CAMTA1: variants seen among roughly 807,000 people sequenced by gnomAD.
The protein encoded by CAMTA1 is calmodulin-binding transcription activator 1.
CAMTA1 carries 27 observed loss-of-function variants against 170.9 expected under a neutral mutation model. The ratio of observed to expected loss-of-function variants is 0.16; its 90% confidence interval spans 0.12 to 0.22. The LOEUF (loss-of-function observed/expected upper bound fraction) is 0.22. CAMTA1 is among the 10% of genes least tolerant of loss of function. The probability of loss-of-function intolerance (pLI) is 1.00; values close to 1 mark genes in which losing one functional copy is unlikely to be tolerated. For synonymous variants in CAMTA1, 833 were observed against 891.5 expected (o/e 0.93, Z 1.17); for missense variants, 1,619 against 2,217.2 (o/e 0.73, Z 5.42).
chr1:7,445,647 G>C (rs1442095260), intron 5 of CAMTA1, among the ~76,000 whole-genome samples: 1 of 152,182 alleles, frequency 6.6e-6, no homozygotes, highest in African/African-American at 2.4e-5. Flanking sequence ...AGAGAAGAGG[G>C]GACACAGGAC....
chr1:7,191,697 G>A (rs1463746885), intron 4 of CAMTA1, among the ~76,000 whole-genome samples: 10 of 152,346 alleles, frequency 6.6e-5, no homozygotes, highest in African/African-American at 1.4e-4. Context: ...GCTGCAAGGC[G>A]TGAGGGATGA....
At chr1:6,980,531 G>A (rs1346445601) in intron 3 of CAMTA1, among the ~76,000 whole-genome samples, 2 of 152,132 alleles carry the variant, frequency 1.3e-5, no homozygotes, top group Non-Finnish European at 2.9e-5. Context: ...ACAGTGATTT[G>A]GTTTGTCTGT....
At chr1:7,543,829 G>A (rs992289383) in intron 6 of CAMTA1, among the ~76,000 whole-genome samples, 13 of 109,150 alleles carry the variant, frequency 1.2e-4, no homozygotes, top group East Asian at 5.1e-4. Flanking sequence ...TGCTGGCAGC[G>A]AGCAGAACTT....
In CAMTA1 at chr1:7,595,329, G is replaced by A. The variant is rs570893092; in HGVS notation, c.511-45071G>A. Among the ~76,000 whole-genome samples, 14 of 152,338 alleles carry A rather than the reference G, an allele frequency of 9.2e-5. 1 individual carries two copies. The South Asian group carries it at 2.5e-3, about 27-fold the overall frequency. Reference sequence around the variant, plus strand: ...TCATCGTATTTTTGGCAGCTGCAGAGACTCCGAGGCAAGGCAGAGAGCCCT... The same window carrying A: ...TCATCGTATTTTTGGCAGCTGCAGAAACTCCGAGGCAAGGCAGAGAGCCCT... On this transcript the variant is annotated intron_variant, in intron 6 of 22. Coordinates refer to ENST00000303635, the MANE Select transcript of CAMTA1 (RefSeq NM_015215.4).
chr1:7,604,869 C>T (rs1263014747), intron 6 of CAMTA1, among the ~76,000 whole-genome samples: 3 of 152,088 alleles, frequency 2.0e-5, no homozygotes, highest in Admixed American at 6.5e-5. Flanking sequence ...GTGTGGATGT[C>T]GTTTCTGTTT....
At chr1:7,718,118 C>T (rs938586892) in intron 11 of CAMTA1, among the ~76,000 whole-genome samples, 4 of 151,834 alleles carry the variant, frequency 2.6e-5, no homozygotes, top group Non-Finnish European at 4.4e-5. Flanking sequence ...TTTTTGTAGT[C>T]CCGGTGGCTA....
rs1700254850 is a variant in CAMTA1 at position 7,014,480 on chromosome 1, A to G, written c.235-76824A>G. The stretch of plus-strand genomic sequence containing the variant: ...TGAACTCCTTTTTGCTCCCTGCCCC[A>G]GCCTGCCCCATTAGACAGGGCATGG... On this transcript the variant is annotated intron_variant, in intron 3 of 22. Coordinates refer to ENST00000303635, the MANE Select transcript of CAMTA1 (RefSeq NM_015215.4). This position sits in a 1 kb window ranked among gnomAD's most constrained non-coding sequence, Gnocchi z 4.2. Among the ~76,000 whole-genome samples the G allele has an allele frequency of 6.6e-6, 1 of 152,166 alleles. No individual in the cohort carries two copies. The highest frequency in any genetic ancestry group is 1.5e-5 in the Non-Finnish European group (1 of 68,032).
At chr1:6,838,924 G>A (rs985945529) in intron 3 of CAMTA1, among the ~76,000 whole-genome samples, 15 of 152,098 alleles carry the variant, frequency 9.9e-5, no homozygotes, top group African/African-American at 2.4e-4. Context: ...GCCTGGCAAC[G>A]TTTTTTATTT....
chr1:7,072,981 A>G (rs1214615472), intron 3 of CAMTA1, among the ~76,000 whole-genome samples: 4 of 152,192 alleles, frequency 2.6e-5, no homozygotes, highest in Non-Finnish European at 4.4e-5. Context: ...CCCCCTGACT[A>G]GTGTGAAGAA....
At chr1:6,976,443 A>C (rs1457152252) in intron 3 of CAMTA1, among the ~76,000 whole-genome samples, 4 of 152,216 alleles carry the variant, frequency 2.6e-5, no homozygotes, top group African/African-American at 9.6e-5. Context: ...GTTGGCAGGC[A>C]CAGAGTTCAG....
chr1:7,655,627 C>T (rs1312298440), intron 7 of CAMTA1, among the ~76,000 whole-genome samples: 3 of 85,060 alleles, frequency 3.5e-5, no homozygotes, highest in African/African-American at 1.4e-4. Flanking sequence ...CACACCTATA[C>T]ACACACCTAT....
At position 7,133,648 on chromosome 1, in the gene CAMTA1, C is replaced by A. The variant is rs145936968; in HGVS notation, c.302+42277C>A. 2.3e-3 allele frequency among the ~76,000 whole-genome samples: 350 copies of A among 152,182 alleles called. 6 individuals carry two copies. The highest frequency in any genetic ancestry group is 5.0e-3 in the East Asian group (26 of 5,174). On this transcript the variant is annotated intron_variant, in intron 4 of 22. Transcript: ENST00000303635. ...GTAAGGTGGGAAGGTAAATCCAATC[C>A]TTGTCCTCCCATCATAGGTAGCAGC...
At chr1:7,340,925 T>C (rs1222858174) in intron 5 of CAMTA1, among the ~76,000 whole-genome samples, 2 of 152,028 alleles carry the variant, frequency 1.3e-5, no homozygotes, top group African/African-American at 4.8e-5. Context: ...ACCAAAGGAG[T>C]GAACGCCATG....
chr1:7,110,276 T>C (rs1174221678), intron 4 of CAMTA1, among the ~76,000 whole-genome samples: 1 of 151,398 alleles, frequency 6.6e-6, no homozygotes, highest in Admixed American at 6.6e-5. Context: ...GCACCCCCCT[T>C]CCCCCCTTTT....
intron 3 of CAMTA1, among the ~76,000 whole-genome samples, chr1:6,827,321 G>C (rs998825791): frequency 5.9e-5 from 9 of 152,202 alleles, no homozygotes; most frequent in South Asian, 2.1e-4. Context: ...CTTGGGATGG[G>C]CTGTTCTTTC....
intron 3 of CAMTA1, among the ~76,000 whole-genome samples, chr1:7,003,787 G>A (rs1286313408): frequency 1.3e-5 from 2 of 152,188 alleles, no homozygotes; most frequent in Non-Finnish European, 2.9e-5. Context: ...ATAGGCCAGG[G>A]ATGAGAATAA....
At chr1:7,696,321 G>A (rs528164443) in intron 11 of CAMTA1, among the ~76,000 whole-genome samples, 3 of 151,822 alleles carry the variant, frequency 2.0e-5, no homozygotes, top group African/African-American at 7.3e-5. Context: ...CTCAGCCTCC[G>A]AGTAGCTGGG....
intron 16 of CAMTA1, among the ~76,000 whole-genome samples, chr1:7,741,984 A>G (rs1577341308): frequency 6.7e-6 from 1 of 149,516 alleles, no homozygotes; most frequent in Admixed American, 6.7e-5. Flanking sequence ...GATATACTAT[A>G]TGCTACTTGT....
Position 7,681,522 on chromosome 1 carries a change from C to G in CAMTA1, c.2914+3789C>G, listed in dbSNP as rs2096205370. 6.6e-6 allele frequency among the ~76,000 whole-genome samples: 1 copy of G among 152,202 alleles called. No homozygotes were observed. Among genetic ancestry groups the G allele is most frequent in the African/African-American group, 2.4e-5 (1 of 41,450 alleles). On this transcript the variant is annotated intron_variant, in intron 11 of 22. Coordinates refer to ENST00000303635, the MANE Select transcript of CAMTA1 (RefSeq NM_015215.4). The surrounding 1 kb of genome is among the most constrained non-coding windows in gnomAD (Gnocchi z 4.6). ...TCAGAACAAATTTCCTCTGTCCTGA[C>G]CTGACCCCAGGCCATTTGCACAGGA...
Sources: allele counts gnomAD v4.1 joint callset (sites outside exome capture counted in the v4.1 genomes callset), GRCh38; gene constraint gnomAD v4.1.1; non-coding constraint Gnocchi (gnomAD v3.1); transcripts MANE v1.5; gene names NCBI Gene and HGNC (gene_info 2026-07-23, HGNC 2026-07-21).